ZNF438: variants seen among roughly 807,000 people sequenced by gnomAD.
ZNF438 encodes the protein zinc finger protein 438.
Under a neutral mutation model 38.0 loss-of-function variants are expected in ZNF438, and 25 were observed. The ratio of observed to expected loss-of-function variants is 0.66; its 90% confidence interval spans 0.48 to 0.92. ZNF438 has a LOEUF of 0.92. ZNF438 is among the 40% of genes least tolerant of loss of function. The pLI is 0.00. For synonymous variants in ZNF438, 372 were observed against 364.1 expected, an observed-to-expected ratio of 1.02 and a Z score of -0.25; for missense variants, 1,007 against 999.6, an observed-to-expected ratio of 1.01 and a Z score of -0.10.
chr10:30,949,566 C>T (rs1372927094), intron 1 of ZNF438, among the ~76,000 whole-genome samples: 1 of 152,022 alleles, frequency 6.6e-6, no homozygotes, highest in Non-Finnish European at 1.5e-5. Context: ...ATCTACCAAG[C>T]AAATGGAAAA....
chr10:30,866,627 G>A (rs756365401), intron 4 of ZNF438, among the ~76,000 whole-genome samples: 2 of 152,134 alleles, frequency 1.3e-5, no homozygotes, highest in Admixed American at 6.5e-5. Flanking sequence ...GAGGTCAGGA[G>A]ATCGAGACCA....
At chr10:30,964,279 C>T (rs2049875525) in intron 1 of ZNF438, among the ~76,000 whole-genome samples, 1 of 152,178 alleles carries the variant, frequency 6.6e-6, no homozygotes, top group Admixed American at 6.5e-5. Flanking sequence ...GTTTAATGCC[C>T]TATTCAAGCT....
chr10:30,918,853 G>A (rs1006194680), intron 2 of ZNF438, among the ~76,000 whole-genome samples: 2 of 152,138 alleles, frequency 1.3e-5, no homozygotes, highest in African/African-American at 4.8e-5. Context: ...TCAGTCTGCA[G>A]TTGCATCGAT....
rs534595962 is a variant in ZNF438 at position 30,933,061 on chromosome 10, A to C, written c.-115+8514T>G. ...ATAAGAGAATAAATTTCTGTTATTT[A>C]AAGCCACCCAGTTTGTAGTACTTGC... On this transcript the variant is annotated intron_variant, in intron 2 of 5. Coordinates refer to ENST00000413025, the Ensembl canonical transcript of ZNF438. 2.0e-5 allele frequency among the ~76,000 whole-genome samples: 3 copies of C among 152,344 alleles called. No homozygotes were observed. In the South Asian group the frequency reaches 6.2e-4, roughly 32 times the overall value.
At chr10:30,864,203 TG>T (rs1246958909) in intron 4 of ZNF438, among the ~76,000 whole-genome samples, 6 of 152,192 alleles carry the variant, frequency 3.9e-5, no homozygotes, top group Non-Finnish European at 7.3e-5. Flanking sequence ...TTTTCTGTGA[TG>T]GGGGAAAGGA....
chr10:30,873,640 C>G (rs2037850934), intron 4 of ZNF438, among the ~76,000 whole-genome samples: 2 of 152,212 alleles, frequency 1.3e-5, no homozygotes, highest in Admixed American at 1.3e-4. Context: ...CAGCATTAGT[C>G]ATGCTTTATT....
intron 1 of ZNF438, among the ~76,000 whole-genome samples, chr10:30,965,982 T>C (rs375230516): frequency 6.6e-6 from 1 of 151,376 alleles, no homozygotes; most frequent in South Asian, 2.1e-4. Flanking sequence ...TCTTTACTAT[T>C]AGCAATACTG....
chr10:30,964,267 T>A (rs2049873151), intron 1 of ZNF438, among the ~76,000 whole-genome samples: 1 of 152,220 alleles, frequency 6.6e-6, no homozygotes, highest in South Asian at 2.1e-4. Context: ...CCCCAACTAT[T>A]TGTTTAATGC....
chr10:30,995,963 G>A (rs1045066912), intron 1 of ZNF438, among the ~76,000 whole-genome samples: 1 of 152,116 alleles, frequency 6.6e-6, no homozygotes, highest in African/African-American at 2.4e-5. Flanking sequence ...AATAATAGCA[G>A]AAAAAGTTGG....
Position 30,849,044 on chromosome 10 carries a change from G to C in ZNF438, c.1361C>G (p.Thr454Ser). ...CCCAAGCATCTGGGACTGTAGTGTAGTTGGAGAAGCCAGGGAGGCCAAAGT... is the reference window on the plus strand; with the variant it reads ...CCCAAGCATCTGGGACTGTAGTGTACTTGGAGAAGCCAGGGAGGCCAAAGT... The change falls in exon 5 of 6, where the codon ACT (threonine) becomes AGT (serine). Residue 454 changes from threonine to serine, a missense_variant. Thr to Ser is a moderately conservative substitution (Grantham distance 58). Transcript: ENST00000413025. 6.2e-7 allele frequency: 1 copy of C among 1,614,196 alleles called. No homozygotes were observed. The highest frequency in any genetic ancestry group is 1.7e-5 in the Admixed American group (1 of 60,030).
intron 4 of ZNF438, among the ~76,000 whole-genome samples, chr10:30,866,690 C>T (rs796472542): frequency 3.3e-5 from 5 of 152,074 alleles, no homozygotes; most frequent in African/African-American, 1.2e-4. Flanking sequence ...AAAAATTAGC[C>T]GAGCGTGGTG....
At chr10:30,947,543 T>A (rs566593299) in intron 1 of ZNF438, among the ~76,000 whole-genome samples, 89 of 152,392 alleles carry the variant, frequency 5.8e-4, no homozygotes, top group African/African-American at 2.0e-3. Flanking sequence ...TGAGCTGTGG[T>A]GGGCTCCGCC....
intron 1 of ZNF438, among the ~76,000 whole-genome samples, chr10:30,943,270 G>C (rs1292308438): frequency 6.6e-6 from 1 of 152,070 alleles, no homozygotes; most frequent in Non-Finnish European, 1.5e-5. Context: ...TAGAAATAGA[G>C]GAAAGGATGG....
At chr10:30,978,264 T>C (rs1302074192) in intron 1 of ZNF438, among the ~76,000 whole-genome samples, 2 of 152,200 alleles carry the variant, frequency 1.3e-5, no homozygotes, top group Non-Finnish European at 2.9e-5. Context: ...TCGTCTACTC[T>C]CTTTCCTTAT....
At chr10:30,847,500 C>T (rs1220102180) in intron 5 of ZNF438, among the ~76,000 whole-genome samples, 2 of 152,200 alleles carry the variant, frequency 1.3e-5, no homozygotes, top group African/African-American at 4.8e-5. Context: ...TCTCTGTGTA[C>T]CTCATTCTTC....
At chr10:30,852,390 TAG>T (rs2033821397) in intron 4 of ZNF438, among the ~76,000 whole-genome samples, 2 of 151,886 alleles carry the variant, frequency 1.3e-5, no homozygotes, top group Non-Finnish European at 2.9e-5. Flanking sequence ...GTATTTTTAG[TAG>T]AGACAGGGTT....
intron 1 of ZNF438, among the ~76,000 whole-genome samples, chr10:30,951,640 C>T (rs1481791090): frequency 6.6e-6 from 1 of 152,042 alleles, no homozygotes; most frequent in Non-Finnish European, 1.5e-5. Context: ...GAGTGAACGC[C>T]CATTCACAAT....
chr10:30,994,534 T>G (rs1474602174), intron 1 of ZNF438, among the ~76,000 whole-genome samples: 1 of 152,208 alleles, frequency 6.6e-6, no homozygotes, highest in Non-Finnish European at 1.5e-5. Flanking sequence ...CTGTGCCACC[T>G]TGGGACTCTG....
At chr10:30,871,319 GT>G (rs2037373873) in intron 4 of ZNF438, among the ~76,000 whole-genome samples, 1 of 151,856 alleles carries the variant, frequency 6.6e-6, no homozygotes, top group African/African-American at 2.4e-5. Context: ...CCACTTTGGT[GT>G]TTCATTAAAA....
Sources: gnomAD v4.1 joint callset for allele counts (sites outside exome capture counted in the v4.1 genomes callset) on GRCh38, gnomAD v4.1.1 for gene constraint, MANE v1.5 for transcripts, NCBI Gene and HGNC (gene_info 2026-07-23, HGNC 2026-07-21) for gene names.